The following SYNDIG1 variants were observed in gnomAD, a reference collection of about 807,000 sequenced individuals.
SYNDIG1 encodes synapse differentiation-inducing gene protein 1.
In SYNDIG1, 9 loss-of-function variants were observed where a neutral mutation model predicts 19.4. The ratio of observed to expected loss-of-function variants is 0.46; its 90% confidence interval spans 0.28 to 0.81. The LOEUF is 0.81. Among genes scored for constraint, SYNDIG1 ranks in the 30% least tolerant of loss-of-function variants. The pLI, the probability that SYNDIG1 is intolerant of heterozygous loss-of-function variation, is 0.12. For synonymous variants in SYNDIG1, 141 were observed against 145.9 expected (o/e 0.97, Z 0.24); for missense variants, 311 against 343.3 (o/e 0.91, Z 0.74).
intron 3 of SYNDIG1, among the ~76,000 whole-genome samples, chr20:24,595,165 T>A (rs1159309802): frequency 6.6e-6 from 1 of 152,184 alleles, no homozygotes; most frequent in Non-Finnish European, 1.5e-5. Flanking sequence ...AAATGGCTCT[T>A]ATTATTTTGA....
At chr20:24,608,022 C>T (rs1320485027) in intron 3 of SYNDIG1, among the ~76,000 whole-genome samples, 1 of 152,158 alleles carries the variant, frequency 6.6e-6, no homozygotes, top group African/African-American at 2.4e-5. Flanking sequence ...AAAACATCTT[C>T]GGCAGCTAAA....
At chr20:24,478,315 G>A (rs1032832709) in intron 1 of SYNDIG1, among the ~76,000 whole-genome samples, 7 of 152,332 alleles carry the variant, frequency 4.6e-5, no homozygotes, top group East Asian at 3.9e-4. Context: ...GGAGCCCTAG[G>A]AGGGAGGGGT....
chr20:24,536,032 C>G (rs190993197), intron 1 of SYNDIG1, among the ~76,000 whole-genome samples: 3 of 152,306 alleles, frequency 2.0e-5, no homozygotes, highest in African/African-American at 7.2e-5. Context: ...AGTTATTCAT[C>G]AAGTGCTAAT....
intron 1 of SYNDIG1, among the ~76,000 whole-genome samples, chr20:24,540,803 G>A (rs1308246328): frequency 6.6e-6 from 1 of 152,092 alleles, no homozygotes; most frequent in Admixed American, 6.6e-5. Flanking sequence ...CAGTTTAGTA[G>A]TATTTTGTTG....
intron 3 of SYNDIG1, among the ~76,000 whole-genome samples, chr20:24,612,811 C>T (rs759047640): frequency 1.6e-4 from 24 of 152,190 alleles, no homozygotes; most frequent in Non-Finnish European, 1.3e-4. Flanking sequence ...AACATCACTG[C>T]CAGTCACTCA....
At chr20:24,663,657 G>A (rs907287232) in intron 3 of SYNDIG1, among the ~76,000 whole-genome samples, 2 of 152,212 alleles carry the variant, frequency 1.3e-5, no homozygotes, top group Non-Finnish European at 2.9e-5. Context: ...GTACTCAGAT[G>A]TGTGAGCCCT....
intron 2 of SYNDIG1, among the ~76,000 whole-genome samples, chr20:24,549,859 T>A (rs1658909999): frequency 6.6e-6 from 1 of 152,214 alleles, no homozygotes; most frequent in South Asian, 2.1e-4. Flanking sequence ...GATCCTCCCC[T>A]GGACTTGGGC....
At chr20:24,654,656 GGAAGGAAGGAAGGAAGGA>G (rs2059506252) in intron 3 of SYNDIG1, among the ~76,000 whole-genome samples, 1 of 136,996 alleles carries the variant, frequency 7.3e-6, no homozygotes, top group South Asian at 2.5e-4. Context: ...GAGGGAGGAA[GGAAGGAAGGAAGGAAGGA>G]AGGAAGGAAG....
chr20:24,595,571 C>T (rs1242975607), intron 3 of SYNDIG1, among the ~76,000 whole-genome samples: 1 of 152,282 alleles, frequency 6.6e-6, no homozygotes, highest in East Asian at 1.9e-4. Flanking sequence ...CAGTAGGAAT[C>T]GTACCAGCTC....
rs532863331 is a variant in SYNDIG1, at chr20:24,607,427, C to A, written c.618+22434C>A. Among the ~76,000 whole-genome samples, 4 of 151,914 alleles carry A rather than the reference C, an allele frequency of 2.6e-5. No homozygotes were observed. In the South Asian group the frequency reaches 8.4e-4, roughly 32 times the overall value. On this transcript the variant is annotated intron_variant, in intron 3 of 3. Coordinates refer to ENST00000376862, the MANE Select transcript of SYNDIG1 (RefSeq NM_024893.3). ...CCACCTCGTTCGGGCTGATGAGAGT[C>A]CCAGTTGGGCACCCTGGTTCTGGCC...
intron 1 of SYNDIG1, among the ~76,000 whole-genome samples, chr20:24,494,638 G>A (rs750352741): frequency 6.6e-6 from 1 of 152,308 alleles, no homozygotes; most frequent in Non-Finnish European, 1.5e-5. Flanking sequence ...GCATGTGGCC[G>A]GGAGGGTGGG....
At chr20:24,498,909 C>G (rs1337347190) in intron 1 of SYNDIG1, among the ~76,000 whole-genome samples, 3 of 152,184 alleles carry the variant, frequency 2.0e-5, no homozygotes, top group Non-Finnish European at 2.9e-5. Context: ...CAACCAGAAG[C>G]AGGATTGCCA....
At chr20:24,593,980 G>A (rs1460860441) in intron 3 of SYNDIG1, among the ~76,000 whole-genome samples, 1 of 152,164 alleles carries the variant, frequency 6.6e-6, no homozygotes, top group Non-Finnish European at 1.5e-5. Context: ...CATTCTGTAG[G>A]TTGTTTGTTT....
chr20:24,472,481 G>A (rs1295722826), intron 1 of SYNDIG1, among the ~76,000 whole-genome samples: 3 of 152,154 alleles, frequency 2.0e-5, no homozygotes, highest in African/African-American at 7.2e-5. Context: ...GTATTTTCTA[G>A]GGAGTTATTA....
At chr20:24,478,984 G>A (rs781134229) in intron 1 of SYNDIG1, among the ~76,000 whole-genome samples, 8 of 152,312 alleles carry the variant, frequency 5.3e-5, no homozygotes, top group South Asian at 2.1e-4. Flanking sequence ...GGCTTTTCCC[G>A]GAAGATGGAA....
intron 1 of SYNDIG1, among the ~76,000 whole-genome samples, chr20:24,491,955 A>G (rs73101307): frequency 0.071 from 10,795 of 152,276 alleles, 583 homozygotes; most frequent in East Asian, 0.28. Flanking sequence ...AAAATACAAG[A>G]ACAAGAAATG....
At chr20:24,523,910 C>A (rs1359195380) in intron 1 of SYNDIG1, among the ~76,000 whole-genome samples, 1 of 152,210 alleles carries the variant, frequency 6.6e-6, no homozygotes, top group East Asian at 1.9e-4. Flanking sequence ...AGCTGCCATG[C>A]AGAGATTGCT....
intron 3 of SYNDIG1, among the ~76,000 whole-genome samples, chr20:24,663,812 T>G: frequency 6.6e-6 from 1 of 152,110 alleles, no homozygotes; most frequent in East Asian, 1.9e-4. Context: ...AGGCTGGTGA[T>G]CATGGCGGGG....
chr20:24,553,516 G>A (rs936199549), intron 2 of SYNDIG1, among the ~76,000 whole-genome samples: 14 of 152,164 alleles, frequency 9.2e-5, no homozygotes, highest in African/African-American at 1.4e-4. Flanking sequence ...TCCAGTTTCA[G>A]CTTTCTACAT....
Sources: allele counts gnomAD v4.1 joint callset (sites outside exome capture counted in the v4.1 genomes callset), GRCh38; gene constraint gnomAD v4.1.1; transcripts MANE v1.5; gene names NCBI Gene and HGNC (gene_info 2026-07-23, HGNC 2026-07-21).